Variants in ENTPD5 observed in about 807,000 individuals in gnomAD.
ENTPD5 encodes ectonucleoside triphosphate diphosphohydrolase 5 (inactive).
ENTPD5 carries 49 observed loss-of-function variants against 60.2 expected under a neutral mutation model. The ratio of observed to expected loss-of-function variants is 0.81; its 90% confidence interval spans 0.65 to 1.03. The LOEUF is 1.03. ENTPD5 is among the 50% of genes least tolerant of loss of function. The pLI is 0.00. For synonymous variants in ENTPD5, 187 were observed against 185.4 expected (o/e 1.01, Z -0.07); for missense variants, 480 against 507.6 (o/e 0.95, Z 0.52).
At chr14:74,002,034 G>A (rs1385154333) in intron 3 of ENTPD5, among the ~76,000 whole-genome samples, 4 of 152,182 alleles carry the variant, frequency 2.6e-5, no homozygotes, top group Admixed American at 6.5e-5. Context: ...CAATATTTAC[G>A]GAGATCTTAG....
At chr14:73,958,019 G>A, downstream of ENTPD5, 1 of 806,846 alleles carries the variant, frequency 1.2e-6, no homozygotes, top group South Asian at 1.4e-5. Flanking sequence ...ATTAATTACT[G>A]ATTTTTTTAA....
At chr14:73,995,370 T>C (rs2058305150) in intron 3 of ENTPD5, among the ~76,000 whole-genome samples, 1 of 152,030 alleles carries the variant, frequency 6.6e-6, no homozygotes, top group Non-Finnish European at 1.5e-5. Flanking sequence ...TTTTTATCTG[T>C]TTTGTTTTTT....
chr14:73,994,979 T>G (rs2058285434), intron 3 of ENTPD5, among the ~76,000 whole-genome samples: 1 of 152,180 alleles, frequency 6.6e-6, no homozygotes. Context: ...AATTTACTTT[T>G]GTTTATTTTC....
At chr14:74,018,167 G>A (rs2059111803) in intron 1 of ENTPD5, among the ~76,000 whole-genome samples, 1 of 146,136 alleles carries the variant, frequency 6.8e-6, no homozygotes. Context: ...GGTGACAGAA[G>A]ACTCTCTCTC....
intron 6 of ENTPD5, among the ~76,000 whole-genome samples, chr14:73,981,598 T>C (rs1038832163): frequency 6.6e-6 from 1 of 151,276 alleles, no homozygotes; most frequent in Non-Finnish European, 1.5e-5. Flanking sequence ...AGCTCAGGAG[T>C]TTGAAACCAA....
chr14:73,960,465 A>T, downstream of ENTPD5: 6 of 992,804 alleles, frequency 6.0e-6, no homozygotes, highest in Non-Finnish European at 6.0e-6. Context: ...ACTGCTCTGT[A>T]GTAGCAACAA....
At chr14:73,955,611 C>G (rs766158262), downstream of ENTPD5, 3 of 1,365,474 alleles carry the variant, frequency 2.2e-6, no homozygotes, top group Admixed American at 5.1e-5. Flanking sequence ...AGGAATCAGA[C>G]AAGGTTCACA....
intron 3 of ENTPD5, among the ~76,000 whole-genome samples, chr14:74,006,499 G>C (rs1333325003): frequency 6.6e-6 from 1 of 151,578 alleles, no homozygotes; most frequent in African/African-American, 2.4e-5. Flanking sequence ...TAGCCAGGAT[G>C]GTCTCGATCT....
chr14:73,955,757 G>A (rs757581194), downstream of ENTPD5: 9 of 1,613,710 alleles, frequency 5.6e-6, no homozygotes, highest in Admixed American at 1.2e-4. Flanking sequence ...TGATTGGAGT[G>A]ATGTTTCCCT....
intron 3 of ENTPD5, among the ~76,000 whole-genome samples, chr14:73,999,512 T>G (rs1416772594): frequency 1.5e-5 from 2 of 131,150 alleles, no homozygotes; most frequent in Non-Finnish European, 1.6e-5. Flanking sequence ...AAAACAAAGG[T>G]AGGCCGGGCA....
At chr14:73,967,193 C>G (rs1259880821) in intron 15 of ENTPD5, among the ~76,000 whole-genome samples, 179 bp from the exon 16 acceptor site, 1 of 152,252 alleles carries the variant, frequency 6.6e-6, no homozygotes, top group Non-Finnish European at 1.5e-5. Flanking sequence ...CGGCCATGGC[C>G]CATTGGCCAT....
At chr14:73,956,185 A>G (rs1332139315), downstream of ENTPD5, 13 of 396,704 alleles carry the variant, frequency 3.3e-5, no homozygotes, top group South Asian at 2.1e-4. Flanking sequence ...ACAATTAGCC[A>G]GGCATGGTGG....
chr14:73,980,554 A>G (rs8011908), intron 6 of ENTPD5, among the ~76,000 whole-genome samples: 61,182 of 151,882 alleles, frequency 0.4, 13,391 homozygotes, highest in South Asian at 0.49. Context: ...ATGAGCTACC[A>G]CACCGGGACT....
chr14:73,990,974 A>C (rs1249629129), intron 3 of ENTPD5, among the ~76,000 whole-genome samples: 2 of 152,126 alleles, frequency 1.3e-5, no homozygotes, highest in Non-Finnish European at 2.9e-5. Context: ...GGTTGCAGTG[A>C]GCCGAAACCA....
chr14:73,961,974 T>A, downstream of ENTPD5: 1 of 1,566,386 alleles, frequency 6.4e-7, no homozygotes, highest in Non-Finnish European at 8.8e-7. Flanking sequence ...TGAAACAGAG[T>A]CTTGGTCTTA....
intron 5 of ENTPD5, among the ~76,000 whole-genome samples, chr14:73,984,153 G>A (rs1323022078): frequency 1.3e-5 from 2 of 151,910 alleles, no homozygotes; most frequent in African/African-American, 2.4e-5. Flanking sequence ...TCAGCCTCCT[G>A]AGTAGCTGGG....
downstream of ENTPD5, chr14:73,959,823 G>C (rs2056627881): frequency 7.7e-7 from 1 of 1,297,700 alleles, no homozygotes; most frequent in Non-Finnish European, 9.9e-7. Context: ...GCCTGCCTTG[G>C]CCTCCCAAAG....
intron 6 of ENTPD5, among the ~76,000 whole-genome samples, chr14:73,980,933 A>C (rs1011569534): frequency 4.9e-4 from 75 of 151,948 alleles, no homozygotes; most frequent in African/African-American, 1.8e-3. Context: ...CCCCATCTCT[A>C]CTAAAATATA....
rs913751419 is a variant in ENTPD5 at position 73,992,292 on chromosome 14, T to C, written c.-70-4120A>G. 1.2e-4 allele frequency among the ~76,000 whole-genome samples: 18 copies of C among 152,302 alleles called. No individual in the cohort carries two copies. In the South Asian group the frequency reaches 1.5e-3, roughly 12 times the overall value. ...AGCTCTAACAAAATACTTCGTATAT[T>C]TGGAGTACAGATTAAGGATTCTCAA... is the stretch of plus-strand genomic sequence containing the variant. On this transcript the variant is annotated intron_variant, in intron 3 of 15. Coordinates refer to ENST00000334696, the MANE Select transcript of ENTPD5 (RefSeq NM_001249.5).
Sources: gnomAD v4.1 joint callset for allele counts (sites outside exome capture counted in the v4.1 genomes callset) on GRCh38, gnomAD v4.1.1 for gene constraint, MANE v1.5 for transcripts, NCBI Gene and HGNC (gene_info 2026-07-23, HGNC 2026-07-21) for gene names.